Variants in BBS4 observed in about 807,000 individuals in gnomAD.
BBS4 encodes the protein BBSome complex member BBS4.
BBS4 carries 58 observed loss-of-function variants against 71.4 expected under a neutral mutation model. The observed-to-expected ratio is 0.81, with a 90% CI of 0.66 to 1.01. BBS4 has a LOEUF of 1.01. Among genes scored for constraint, BBS4 ranks in the 50% least tolerant of loss-of-function variants. BBS4 has a pLI of 0.00. For synonymous variants in BBS4, 228 were observed against 216.8 expected, an observed-to-expected ratio of 1.05 and a Z score of -0.46; for missense variants, 660 against 607.9, an observed-to-expected ratio of 1.09 and a Z score of -0.90.
At chr15:72,709,662 T>A in intron 2 of BBS4, 38 bp from the exon 3 acceptor site, 1 of 1,451,886 alleles carries the variant, frequency 6.9e-7, no homozygotes, top group Non-Finnish European at 9.7e-7. Context: ...GAAAATCTAA[T>A]GACTGTGTTG....
intron 1 of BBS4, among the ~76,000 whole-genome samples, chr15:72,691,744 C>T (rs1276676928): frequency 6.6e-6 from 1 of 152,054 alleles, no homozygotes; most frequent in Non-Finnish European, 1.5e-5. Flanking sequence ...GGCTGCGGAT[C>T]ATGAGGTCAA....
intron 1 of BBS4, among the ~76,000 whole-genome samples, chr15:72,692,281 T>C (rs954841195): frequency 2.6e-5 from 4 of 151,458 alleles, no homozygotes; most frequent in Admixed American, 2.0e-4. Context: ...AAATTATGTC[T>C]TAATGTGATA....
intron 2 of BBS4, among the ~76,000 whole-genome samples, chr15:72,702,802 C>CTTTTTTTTTTTT (rs59816410): frequency 6.8e-5 from 5 of 73,494 alleles, no homozygotes; most frequent in Admixed American, 2.4e-4. Flanking sequence ...GGAGCTGACT[C>CTTTTTTTTTTTT]TTTTTTTTTT....
At chr15:72,722,724 CT>C in intron 6 of BBS4, 69 bp from the exon 7 acceptor site, 1 of 1,389,254 alleles carries the variant, frequency 7.2e-7, no homozygotes, top group Non-Finnish European at 1.0e-6. Flanking sequence ...CTCTAGATGT[CT>C]GTTGTTTCAC....
chr15:72,731,509 T>A (rs2151047714), intron 11 of BBS4, 46 bp from the exon 12 acceptor site: 1 of 1,614,196 alleles, frequency 6.2e-7, no homozygotes, highest in Non-Finnish European at 8.5e-7. Flanking sequence ...GGTTATTGGG[T>A]CTGTTTAGCT....
chr15:72,706,291 C>T (rs1465963451), intron 2 of BBS4, among the ~76,000 whole-genome samples: 1 of 152,040 alleles, frequency 6.6e-6, no homozygotes, highest in East Asian at 1.9e-4. Context: ...TGCCCGCCAC[C>T]ACTCCCGGCT....
chr15:72,719,950 C>T lies in BBS4; in HGVS notation c.406-2844C>T, dbSNP rs28436588. Reference sequence around the variant, plus strand: ...ATTTTTAGTAGAGATGAGGTTTCACCATGTTGGTCAGGCTGGTCTCGAGCT... The same window carrying T: ...ATTTTTAGTAGAGATGAGGTTTCACTATGTTGGTCAGGCTGGTCTCGAGCT... On this transcript the variant is annotated intron_variant, in intron 6 of 15. Coordinates refer to ENST00000268057, the MANE Select transcript of BBS4 (RefSeq NM_033028.5). Among the ~76,000 whole-genome samples the T allele has an allele frequency of 9.4e-3, 1,434 of 151,822 alleles. 26 individuals are homozygous for T. Among genetic ancestry groups the T allele is most frequent in the African/African-American group, 0.033 (1,349 of 41,420 alleles).
intron 3 of BBS4, 33 bp from the exon 4 acceptor site, chr15:72,712,211 C>A: frequency 6.2e-7 from 1 of 1,602,464 alleles, no homozygotes; most frequent in Non-Finnish European, 8.5e-7. Flanking sequence ...GAAACTTAAC[C>A]ACTGCTCAGA....
intron 2 of BBS4, among the ~76,000 whole-genome samples, chr15:72,697,267 A>G (rs974520383): frequency 2.0e-5 from 3 of 152,252 alleles, no homozygotes; most frequent in Non-Finnish European, 4.4e-5. Context: ...GAGAAGAACT[A>G]TCATCCTTAA....
intron 8 of BBS4, among the ~76,000 whole-genome samples, chr15:72,727,573 CAA>C (rs1362966663): frequency 6.6e-6 from 1 of 152,150 alleles, no homozygotes; most frequent in African/African-American, 2.4e-5. Context: ...AAAAATTCCA[CAA>C]GAGAGGACTG....
intron 9 of BBS4, among the ~76,000 whole-genome samples, chr15:72,728,570 T>G (rs2065747076): frequency 6.6e-6 from 1 of 152,132 alleles, no homozygotes; most frequent in South Asian, 2.1e-4. Context: ...TTGGAGGCTG[T>G]TATTTTGTTG....
chr15:72,731,095 T>G (rs1415731845), intron 10 of BBS4, among the ~76,000 whole-genome samples: 3 of 120,854 alleles, frequency 2.5e-5, no homozygotes, highest in Non-Finnish European at 5.1e-5. Flanking sequence ...TTTTTTTTTT[T>G]TGTGCTGTGC....
intron 2 of BBS4, among the ~76,000 whole-genome samples, chr15:72,701,851 T>A (rs1444276650): frequency 2.0e-5 from 3 of 152,160 alleles, no homozygotes; most frequent in African/African-American, 7.2e-5. Flanking sequence ...TCATTATTAT[T>A]TTTTTGAGAC....
intron 7 of BBS4, among the ~76,000 whole-genome samples, chr15:72,723,128 A>G (rs1052587725): frequency 3.9e-5 from 6 of 152,176 alleles, no homozygotes; most frequent in African/African-American, 1.4e-4. Context: ...CCCAGTTTAG[A>G]AACAGATGCT....
rs1009638961 is a variant in BBS4 at position 72,731,337 on chromosome 15, C to T, written c.744C>T (p.Thr248=). Reference sequence around the variant, plus strand: ...TGGCAGCAGGCAGCATGATGCAGACCCACGGGGACTTTGATGTTGCCCTCA... The same window carrying T: ...TGGCAGCAGGCAGCATGATGCAGACTCACGGGGACTTTGATGTTGCCCTCA... ...AILAAGSMMQ[T]HGDFDVALTK... Residue 248 remains threonine, a synonymous_variant, in exon 11 of 16, where the codon ACC becomes ACT. Transcript: ENST00000268057. The T allele has an allele frequency of 2.5e-6, 4 of 1,613,894 alleles. No homozygotes were observed. The African/African-American group carries it at 4.0e-5, about 16-fold the overall frequency.
intron 4 of BBS4, 108 bp downstream of exon 4, chr15:72,712,415 T>C: frequency 9.8e-7 from 1 of 1,021,612 alleles, no homozygotes; most frequent in Non-Finnish European, 1.5e-6. Flanking sequence ...CATGCACCAC[T>C]TAACAATGGA....
At chr15:72,697,795 A>T (rs1366060819) in intron 2 of BBS4, among the ~76,000 whole-genome samples, 1 of 152,132 alleles carries the variant, frequency 6.6e-6, no homozygotes, top group African/African-American at 2.4e-5. Flanking sequence ...TTGACTCTTT[A>T]GTTTTGAGGG....
rs767778011 is a variant in BBS4, at chr15:72,724,510, T to G, written c.460-18T>G. The G allele has an allele frequency of 6.2e-7, 1 of 1,613,554 alleles. No homozygotes were observed. The highest frequency in any genetic ancestry group is 1.1e-5 in the South Asian group (1 of 91,070). On this transcript the variant is annotated intron_variant, in intron 7 of 15. Transcript: ENST00000268057. ...AGTGGTAGTGATTTGGTTTTCTTTATTTTGTTAAACTTGTCAGGCACAAGA... is the reference window on the plus strand; with the variant it reads ...AGTGGTAGTGATTTGGTTTTCTTTAGTTTGTTAAACTTGTCAGGCACAAGA...
intron 2 of BBS4, among the ~76,000 whole-genome samples, chr15:72,698,388 C>A (rs1008159634): frequency 6.6e-6 from 1 of 152,112 alleles, no homozygotes; most frequent in Non-Finnish European, 1.5e-5. Flanking sequence ...AATAAATCTC[C>A]ACATCCCCTT....
Sources: allele counts gnomAD v4.1 joint callset (sites outside exome capture counted in the v4.1 genomes callset), GRCh38; gene constraint gnomAD v4.1.1; transcripts MANE v1.5; gene names NCBI Gene and HGNC (gene_info 2026-07-23, HGNC 2026-07-21).